NOXA1: variants seen among roughly 807,000 people sequenced by gnomAD.
NOXA1 encodes NCF2-like protein.
A neutral mutation model predicts 64.8 loss-of-function variants in NOXA1; 56 were observed. The ratio of observed to expected loss-of-function variants is 0.86; its 90% CI spans 0.70 to 1.08. The LOEUF is 1.08. Among genes scored for constraint, NOXA1 ranks in the 50% least tolerant of loss-of-function variants. NOXA1 has a pLI of 0.00. For missense variants in NOXA1, 668 were observed against 658.5 expected (o/e 1.01, Z -0.16); for synonymous variants, 295 against 294.8 (o/e 1.00, Z -0.01).
intron 2 of NOXA1, among the ~76,000 whole-genome samples, chr9:137,427,213 A>C (rs1426217277): frequency 6.6e-6 from 1 of 152,234 alleles, no homozygotes; most frequent in Middle Eastern, 3.2e-3. Flanking sequence ...AAATTCATGC[A>C]CGCTAGCGAC....
intron 5 of NOXA1, 146 bp from the exon 6 acceptor site, chr9:137,430,638 T>TGGTCTGGCAGACGTG (rs1839070301): frequency 1.7e-6 from 1 of 600,738 alleles, no homozygotes; most frequent in Non-Finnish European, 2.9e-6. Context: ...CCCTCCATGG[T>TGGTCTGGCAGACGTG]GGTCTGGCAG....
Position 137,433,185 on chromosome 9 carries a change from A to G in NOXA1, c.851-20A>G. 1.2e-6 allele frequency: 2 copies of G among 1,609,378 alleles called. No homozygotes were observed. Among genetic ancestry groups the G allele is most frequent in the Non-Finnish European group, 1.7e-6 (2 of 1,178,486 alleles). The stretch of plus-strand genomic sequence containing the variant: ...CCACTTTGGTGGTAGTGGCTGTGTC[A>G]GTCTTGCTCTGTCCTACAGGGCTGC... On this transcript the variant is annotated intron_variant, in intron 9 of 13. Transcript: ENST00000683555.
chr9:137,426,424 TC>T, intron 2 of NOXA1, 94 bp downstream of exon 2: 2 of 1,040,310 alleles, frequency 1.9e-6, no homozygotes, highest in Non-Finnish European at 3.0e-6. Context: ...CTCCATCCAC[TC>T]CCTCCTCTTG....
intron 1 of NOXA1, among the ~76,000 whole-genome samples, chr9:137,425,899 A>G (rs569491386): frequency 5.3e-5 from 8 of 152,024 alleles, no homozygotes; most frequent in African/African-American, 1.9e-4. Context: ...TTTTTAAAAG[A>G]CAAAAATCTT....
rs527851352 is a variant in NOXA1 at position 137,431,942 on chromosome 9, T to A, written c.804+601T>A. On this transcript the variant is annotated intron_variant, in intron 8 of 13. Transcript: ENST00000683555. The surrounding 1 kb of genome is among the most constrained non-coding windows in gnomAD (Gnocchi z 5.6). ...TGCGATCAGGAAGCAGCCCCGGCAC[T>A]CTCTCTTTATGGATGCCCACTTCCA... Among the ~76,000 whole-genome samples, 4 of 150,802 alleles carry A rather than the reference T, an allele frequency of 2.7e-5. No individual in the cohort carries two copies. In the East Asian group the frequency reaches 7.7e-4, roughly 29 times the overall value.
In NOXA1 at chr9:137,429,003, T is replaced by C; in HGVS notation, c.491T>C (p.Leu164Pro). Residue 164 changes from leucine (L) to proline (P), a missense_variant, in exon 4 of 14, where the codon CTG becomes CCG. By Grantham distance (98) the Leu-to-Pro change is moderately conservative. Coordinates refer to ENST00000683555, the MANE Select transcript of NOXA1 (RefSeq NM_001256067.2). ...TCCCTGAATGGCCTGGACTCAGCCC[T>C]GGACCAAGTGCAGGTGAGGAGTGCC... ...EGSLNGLDSA[L>P]DQVQRRGSLP... 6.4e-7 allele frequency: 1 copy of C among 1,573,062 alleles called. No homozygotes were observed. Among genetic ancestry groups the C allele is most frequent in the Non-Finnish European group, 8.6e-7 (1 of 1,157,436 alleles).
At chr9:137,433,321 C>G (rs926594131) in intron 10 of NOXA1, 58 bp downstream of exon 10, 1 of 1,503,850 alleles carries the variant, frequency 6.6e-7, no homozygotes, top group Non-Finnish European at 8.9e-7. Flanking sequence ...AGGCCAAGCC[C>G]CATCCCTCAG....
intron 5 of NOXA1, 123 bp downstream of exon 5, chr9:137,429,506 CCA>C (rs1838997690): frequency 1.5e-6 from 1 of 681,136 alleles, no homozygotes; most frequent in South Asian, 2.0e-5. Flanking sequence ...GAGAGTGGGC[CCA>C]CAGCCATCCT....
chr9:137,433,037 G>C lies in NOXA1; in HGVS notation c.813G>C (p.Gln271His). 1 of 1,612,768 alleles carries C rather than the reference G, an allele frequency of 6.2e-7. No individual in the cohort carries two copies. Among genetic ancestry groups the C allele is most frequent in the Non-Finnish European group, 8.5e-7 (1 of 1,179,884 alleles). Residue 271 changes from glutamine (Q) to histidine (H), a missense_variant, in exon 9 of 14, where the codon CAG (glutamine) becomes CAC (histidine). By Grantham distance (24) the Gln-to-His change is conservative. Transcript: ENST00000683555. ...TSTAYQEQRPQVEQVGKQAPL... is the reference protein window; with the variant it reads ...TSTAYQEQRPHVEQVGKQAPL... ...CTGTGCTTCTCTTGCAGAGGCCCCA[G>C]GTGGAGCAAGTTGGCAAACAGGCTC...
rs567073494 is a variant in NOXA1 at position 137,430,102 on chromosome 9, G to A, written c.613-682G>A. 4.4e-5 allele frequency among the ~76,000 whole-genome samples: 6 copies of A among 136,916 alleles called. No individual in the cohort carries two copies. In the East Asian group the frequency reaches 6.8e-4, roughly 15 times the overall value. 89.8% of individuals were successfully genotyped at this position (136,916 alleles called of 152,430 possible). A position where few individuals can be genotyped will look rare whatever the true frequency, so the allele number is the denominator to read the frequency against. On this transcript the variant is annotated intron_variant, in intron 5 of 13. Coordinates refer to ENST00000683555, the MANE Select transcript of NOXA1 (RefSeq NM_001256067.2). The stretch of plus-strand genomic sequence containing the variant: ...TCCCTGCCACAGATAGCGAGGTCCC[G>A]GGGGGTCTCCCTGTGTCCCTGCCAC...
chr9:137,429,397 C>T lies in NOXA1; in HGVS notation c.612+14C>T, dbSNP rs373009114. On this transcript the variant is annotated intron_variant, in intron 5 of 13. Coordinates refer to ENST00000683555, the MANE Select transcript of NOXA1 (RefSeq NM_001256067.2). ...GGCAAGGCCAAGGTAAAGGTGGGGA[C>T]GGCGTCCTGGGGCATGGCGGCTGGT... The T allele has an allele frequency of 6.2e-5, 96 of 1,537,638 alleles. No homozygotes were observed. The highest frequency in any genetic ancestry group is 1.9e-4 in the East Asian group (8 of 42,294).
Position 137,431,014 on chromosome 9 carries a change from G to A in NOXA1, c.673-61G>A, listed in dbSNP as rs1839084974. The stretch of plus-strand genomic sequence containing the variant: ...TGGGGAAACCACTCTTCAAGGTTCA[G>A]GAGGAGGGAGGGCGGCCCCCGACCC... On this transcript the variant is annotated intron_variant, in intron 6 of 13. Coordinates refer to ENST00000683555, the MANE Select transcript of NOXA1 (RefSeq NM_001256067.2). The surrounding 1 kb of genome is among the most constrained non-coding windows in gnomAD (Gnocchi z 5.6). The A allele has an allele frequency of 6.2e-7, 1 of 1,612,044 alleles. No individual in the cohort carries two copies. The highest frequency in any genetic ancestry group is 8.5e-7 in the Non-Finnish European group (1 of 1,179,294).
intron 2 of NOXA1, among the ~76,000 whole-genome samples, chr9:137,427,663 G>A (rs148579298): frequency 1.9e-3 from 296 of 152,352 alleles, no homozygotes; most frequent in African/African-American, 6.8e-3. Flanking sequence ...AGGCTTGGAA[G>A]GAGGCTCAGA....
chr9:137,423,513 C>T lies in NOXA1; in HGVS notation c.-17C>T, dbSNP rs1838664404. The stretch of plus-strand genomic sequence containing the variant: ...CGCGGGATCCTGGCCCCTCCTCGAG[C>T]GCCGCCACCGGCCGCCATGGCCTCT... On this transcript the variant is annotated 5_prime_UTR_variant, in exon 1 of 14. Coordinates refer to ENST00000683555, the MANE Select transcript of NOXA1 (RefSeq NM_001256067.2). 1 of 1,328,612 alleles carries T rather than the reference C, an allele frequency of 7.5e-7. No individual in the cohort carries two copies. The highest frequency in any genetic ancestry group is 9.6e-7 in the Non-Finnish European group (1 of 1,040,224). The allele number at this position is 1,328,612 out of a possible 1,614,324, so 82.3% of individuals were successfully genotyped here. A position where few individuals can be genotyped will look rare whatever the true frequency, so the allele number is the denominator to read the frequency against.
At position 137,425,531 on chromosome 9, in the gene NOXA1, G is replaced by A. The variant is rs181429905; in HGVS notation, c.178-717G>A. ...CTCCCGAGTAGCTGGGACTACAGGC[G>A]CGTGCCGCCATGCCCAGCTAATTTT... On this transcript the variant is annotated intron_variant, in intron 1 of 13. Coordinates refer to ENST00000683555, the MANE Select transcript of NOXA1 (RefSeq NM_001256067.2). Among the ~76,000 whole-genome samples the A allele has an allele frequency of 2.1e-3, 313 of 152,232 alleles. 3 individuals carry two copies. Among genetic ancestry groups the A allele is most frequent in the African/African-American group, 7.1e-3 (293 of 41,538 alleles).
Position 137,423,589 on chromosome 9 carries a change from TG to T in NOXA1, c.64del (p.Asp22ThrfsTer44). On this transcript the variant is annotated frameshift_variant, in exon 1 of 14. Transcript: ENST00000683555. LOFTEE classifies it high-confidence loss of function. ...WHLGAQAVDR[G>X]DWARALHLFS... Reference sequence around the variant, plus strand: ...ACCTGGGCGCGCAGGCTGTGGATCGTGGGGACTGGGCCCGCGCCTTGCACCT... The same window carrying T: ...ACCTGGGCGCGCAGGCTGTGGATCGTGGGACTGGGCCCGCGCCTTGCACCT... The T allele has an allele frequency of 1.4e-6, 2 of 1,480,598 alleles. No homozygotes were observed. The highest frequency in any genetic ancestry group is 9.0e-7 in the Non-Finnish European group (1 of 1,116,460). The allele number at this position is 1,480,598 out of a possible 1,614,324, so 91.7% of individuals were successfully genotyped here.
Position 137,429,420 on chromosome 9 carries a change from G to A in NOXA1, c.612+37G>A, listed in dbSNP as rs760762865. ...GACGGCGTCCTGGGGCATGGCGGCTGGTGCTGAGCCCTCGAACTGTGTTCC... is the reference window on the plus strand; with the variant it reads ...GACGGCGTCCTGGGGCATGGCGGCTAGTGCTGAGCCCTCGAACTGTGTTCC... On this transcript the variant is annotated intron_variant, in intron 5 of 13. Coordinates refer to ENST00000683555, the MANE Select transcript of NOXA1 (RefSeq NM_001256067.2). 5.6e-6 allele frequency: 8 copies of A among 1,422,010 alleles called. No individual in the cohort carries two copies. In the South Asian group the frequency reaches 6.2e-5, roughly 11 times the overall value. 88.1% of individuals were successfully genotyped at this position (1,422,010 alleles called of 1,614,324 possible).
chr9:137,432,787 C>T (rs965996797), intron 8 of NOXA1, among the ~76,000 whole-genome samples: 2 of 152,200 alleles, frequency 1.3e-5, no homozygotes, highest in African/African-American at 4.8e-5. Flanking sequence ...GCTGCCACCT[C>T]GGTGGGCCTT....
At chr9:137,432,940 G>C in intron 8 of NOXA1, 89 bp from the exon 9 acceptor site, 3 of 1,426,224 alleles carry the variant, frequency 2.1e-6, no homozygotes, top group Non-Finnish European at 2.9e-6. Flanking sequence ...GGGCACACAG[G>C]CCACACCCTT....
Sources: gnomAD v4.1 joint callset for allele counts (sites outside exome capture counted in the v4.1 genomes callset) on GRCh38, gnomAD v4.1.1 for gene constraint, Gnocchi (gnomAD v3.1) non-coding constraint, MANE v1.5 for transcripts, NCBI Gene and HGNC (gene_info 2026-07-23, HGNC 2026-07-21) for gene names.